The following OR1D2 variants were observed in gnomAD, a reference collection of about 807,000 sequenced individuals.
OR1D2 encodes the protein olfactory receptor family 1 subfamily D member 2.
For synonymous variants in OR1D2, 157 were observed against 153.9 expected (o/e 1.02, Z -0.15); for missense variants, 357 against 376.1 (o/e 0.95, Z 0.42).
At chr17:3,102,526 G>A (rs973492123) in intron 1 of OR1D2, among the ~76,000 whole-genome samples, 3 of 152,034 alleles carry the variant, frequency 2.0e-5, no homozygotes, top group Non-Finnish European at 2.9e-5. Context: ...TTGTAACAAC[G>A]AGCTATTTGT....
intron 1 of OR1D2, among the ~76,000 whole-genome samples, chr17:3,098,270 C>T (rs1222728751): frequency 1.3e-5 from 2 of 152,130 alleles, no homozygotes; most frequent in Non-Finnish European, 1.5e-5. Context: ...TGAACCTACT[C>T]GTATCACGTT....
At chr17:3,100,024 G>A (rs184702857) in intron 1 of OR1D2, among the ~76,000 whole-genome samples, 127 of 152,188 alleles carry the variant, frequency 8.3e-4, no homozygotes, top group African/African-American at 1.9e-3. Context: ...ACCCAGATTC[G>A]TAAAAGAAGT....
Position 3,092,332 on chromosome 17 carries a change from A to G in OR1D2, c.665T>C (p.Ile222Thr). The G allele has an allele frequency of 6.2e-7, 1 of 1,614,218 alleles. No homozygotes were observed. Among genetic ancestry groups the G allele is most frequent in the Non-Finnish European group, 8.5e-7 (1 of 1,180,032 alleles). Residue 222 changes from isoleucine (I) to threonine (T), a missense_variant, in exon 2 of 2, where the codon ATC becomes ACC. Physicochemically the swap from Ile to Thr is moderately conservative, Grantham distance 89 (BLOSUM62 -1). Coordinates refer to ENST00000641833, the MANE Select transcript of OR1D2 (RefSeq NM_002548.3). ...GFVIISYVLI[I>T]RAILRIPSVS... ...TGAGGGTATTCTGAGGATGGCTCTG[A>G]TAATCAGCACATAGGAAATGATCAC...
intron 1 of OR1D2, among the ~76,000 whole-genome samples, chr17:3,100,298 A>G (rs907678321): frequency 7.9e-5 from 12 of 152,204 alleles, no homozygotes; most frequent in African/African-American, 2.9e-4. Context: ...TCCTCAGCAA[A>G]TGAAAAAGAA....
chr17:3,102,961 C>T (rs1366853725), intron 1 of OR1D2, among the ~76,000 whole-genome samples: 1 of 152,216 alleles, frequency 6.6e-6, no homozygotes, highest in Non-Finnish European at 1.5e-5. Context: ...CCCACTCTGT[C>T]TGTCCGGAAT....
In OR1D2 at chr17:3,092,919, G is replaced by C. The variant is rs753424407; in HGVS notation, c.78C>G (p.Ile26Met). 4.3e-6 allele frequency: 7 copies of C among 1,613,744 alleles called. No individual in the cohort carries two copies. Among genetic ancestry groups the C allele is most frequent in the East Asian group, 2.2e-5 (1 of 44,888 alleles). ...ACATGGACAGGAACATCCAAAACAG[G>C]ATCCGCTGCTGCTCAGGACTCTCTG... ...GMSESPEQQRILFWMFLSMYL... is the reference protein window; with the variant it reads ...GMSESPEQQRMLFWMFLSMYL... Residue 26 changes from isoleucine (I) to methionine (M), a missense_variant, in exon 2 of 2, where the codon ATC becomes ATG. Transcript: ENST00000641833.
rs1047319923 is a variant in OR1D2, at chr17:3,092,758, T to C, written c.239A>G (p.Lys80Arg). 98 of 1,613,914 alleles carry C rather than the reference T, an allele frequency of 6.1e-5. No homozygotes were observed. Among genetic ancestry groups the C allele is most frequent in the Non-Finnish European group, 8.0e-5 (94 of 1,180,014 alleles). ...ATGGGACTGGAGGTTCACCAGCATC[T>C]TGGGGATTGTGTTGGTGACAAAGAA... ...DLFFVTNTIP[K>R]MLVNLQSHNK... Residue 80 changes from lysine (K) to arginine (R), a missense_variant, in exon 2 of 2, where the codon AAG (lysine) becomes AGG (arginine). Transcript: ENST00000641833.
At chr17:3,097,708 C>T (rs969691552) in intron 1 of OR1D2, among the ~76,000 whole-genome samples, 1 of 152,230 alleles carries the variant, frequency 6.6e-6, no homozygotes, top group Non-Finnish European at 1.5e-5. Context: ...GCTGTCTAAG[C>T]TGTTTGAGCT....
chr17:3,090,822 T>A lies in OR1D2; in HGVS notation c.*1236A>T, dbSNP rs1410192184. On this transcript the variant is annotated 3_prime_UTR_variant, in exon 2 of 2. Coordinates refer to ENST00000641833, the MANE Select transcript of OR1D2 (RefSeq NM_002548.3). Reference sequence around the variant, plus strand: ...TAAGAGCTCCCAACCATTTTCTTATTTTTTTTTTTTCTTGTTCTTAGCTAC... The same window carrying A: ...TAAGAGCTCCCAACCATTTTCTTATATTTTTTTTTTCTTGTTCTTAGCTAC... 6.7e-6 allele frequency: 1 copy of A among 148,292 alleles called. No homozygotes were observed. Among genetic ancestry groups the A allele is most frequent in the African/African-American group, 2.5e-5 (1 of 40,672 alleles). The allele number at this position is 148,292 out of a possible 1,614,324, so 9.2% of individuals were successfully genotyped here.
At chr17:3,099,743 G>A (rs994427410) in intron 1 of OR1D2, among the ~76,000 whole-genome samples, 2 of 152,136 alleles carry the variant, frequency 1.3e-5, no homozygotes, top group African/African-American at 4.8e-5. Context: ...TGGATAAAGA[G>A]TCAAGACCCA....
rs1395861848 is a variant in OR1D2 at position 3,088,888 on chromosome 17, A to G, written c.*3170T>C. 1.5e-5 allele frequency: 2 copies of G among 130,764 alleles called. No homozygotes were observed. Among genetic ancestry groups the G allele is most frequent in the Admixed American group, 7.4e-5 (1 of 13,498 alleles). 8.1% of individuals were successfully genotyped at this position (130,764 alleles called of 1,614,324 possible). A position where few individuals can be genotyped will look rare whatever the true frequency, so the allele number is the denominator to read the frequency against. Reference sequence around the variant, plus strand: ...AATATGAGGGGTGGTCTCCACCCTTACTTTTTTTTTTTTTAATTTAAGTTG... The same window carrying G: ...AATATGAGGGGTGGTCTCCACCCTTGCTTTTTTTTTTTTTAATTTAAGTTG... On this transcript the variant is annotated 3_prime_UTR_variant, in exon 2 of 2. Transcript: ENST00000641833.
chr17:3,098,187 C>T (rs76505527), intron 1 of OR1D2, among the ~76,000 whole-genome samples: 6,011 of 152,244 alleles, frequency 0.039, 389 homozygotes, highest in African/African-American at 0.13. Flanking sequence ...CTTCGTTAAA[C>T]GGATCTTTTT....
At chr17:3,093,951 A>G (rs2047829854) in intron 1 of OR1D2, among the ~76,000 whole-genome samples, 1 of 152,224 alleles carries the variant, frequency 6.6e-6, no homozygotes, top group Non-Finnish European at 1.5e-5. Context: ...AAACTGGTCT[A>G]AATTTCATCT....
rs1287714995 is a variant in OR1D2 at position 3,104,114 on chromosome 17, G to A, written c.-66C>T. The stretch of plus-strand genomic sequence containing the variant: ...ATGTACAGACCTTACCCACTGCTCT[G>A]TGCTGCTCTCAGAGTTCACTGGTTC... On this transcript the variant is annotated 5_prime_UTR_variant, in exon 1 of 2. Coordinates refer to ENST00000641833, the MANE Select transcript of OR1D2 (RefSeq NM_002548.3). 1 of 152,234 alleles carries A rather than the reference G, an allele frequency of 6.6e-6. No homozygotes were observed. Among genetic ancestry groups the A allele is most frequent in the South Asian group, 2.1e-4 (1 of 4,820 alleles). The allele number at this position is 152,234 out of a possible 1,614,324, so 9.4% of individuals were successfully genotyped here. A position where few individuals can be genotyped will look rare whatever the true frequency, so the allele number is the denominator to read the frequency against.
chr17:3,103,083 T>C (rs2047881775), intron 1 of OR1D2, among the ~76,000 whole-genome samples: 4 of 152,212 alleles, frequency 2.6e-5, no homozygotes, highest in Admixed American at 1.3e-4. Flanking sequence ...ACAAATGACT[T>C]CTTTCTGCAG....
intron 1 of OR1D2, among the ~76,000 whole-genome samples, chr17:3,096,172 G>C (rs942079293): frequency 2.6e-5 from 4 of 151,958 alleles, no homozygotes; most frequent in African/African-American, 9.7e-5. Context: ...GAAAATAGAG[G>C]AAAAAAGGAC....
intron 1 of OR1D2, among the ~76,000 whole-genome samples, chr17:3,094,126 A>G (rs2047830713): frequency 6.6e-6 from 1 of 152,196 alleles, no homozygotes; most frequent in African/African-American, 2.4e-5. Context: ...AATTTGGCAG[A>G]TTAATTTGGG....
At chr17:3,094,646 G>A (rs1597254526) in intron 1 of OR1D2, among the ~76,000 whole-genome samples, 1 of 152,108 alleles carries the variant, frequency 6.6e-6, no homozygotes. Context: ...ATCCACATAT[G>A]AGGAAAAAAT....
intron 1 of OR1D2, among the ~76,000 whole-genome samples, chr17:3,100,792 G>C (rs902766147): frequency 1.6e-4 from 24 of 151,970 alleles, no homozygotes; most frequent in African/African-American, 5.6e-4. Flanking sequence ...TAACGAAGAA[G>C]AAAAGAGAGA....
Sources: allele counts gnomAD v4.1 joint callset (sites outside exome capture counted in the v4.1 genomes callset), GRCh38; gene constraint gnomAD v4.1.1; transcripts MANE v1.5; gene names NCBI Gene and HGNC (gene_info 2026-07-23, HGNC 2026-07-21).